KCNAB2: variants seen among roughly 807,000 people sequenced by gnomAD.
KCNAB2 encodes the protein potassium voltage-gated channel subfamily A regulatory beta subunit 2, also known as voltage-gated potassium channel subunit beta-2.
A neutral mutation model predicts 63.6 loss-of-function variants in KCNAB2; 29 were observed. The observed-to-expected ratio is 0.46, with a 90% CI of 0.34 to 0.62. The LOEUF is 0.62. Among genes scored for constraint, KCNAB2 ranks in the 20% least tolerant of loss-of-function variants. The pLI, the probability that KCNAB2 is intolerant of heterozygous loss-of-function variation, is 0.01. For missense variants in KCNAB2, 359 were observed against 563.9 expected, an observed-to-expected ratio of 0.64 and a Z score of 3.68; for synonymous variants, 222 against 224.2, an observed-to-expected ratio of 0.99 and a Z score of 0.09.
chr1:6,032,969 G>T (rs1292394245), upstream of KCNAB2, among the ~76,000 whole-genome samples: 6 of 152,240 alleles, frequency 3.9e-5, no homozygotes, highest in Non-Finnish European at 8.8e-5. Context: ...AATGCCATTT[G>T]TGAGCCTTGA....
intron 12 of KCNAB2, 39 bp from the exon 13 acceptor site, chr1:6,095,491 C>CACG: frequency 6.5e-7 from 1 of 1,549,784 alleles, no homozygotes; most frequent in Non-Finnish European, 8.9e-7. Flanking sequence ...CCCCTGCTCT[C>CACG]GGGCCCAGGG....
Position 6,096,241 on chromosome 1 carries a change from G to A in KCNAB2, c.949-395G>A. ...CCTCCAGGAGGCCCTGCAATCCTCT[G>A]GGGGGGATGGCCAGGGGAGAGAGCA... is the stretch of plus-strand genomic sequence containing the variant. On this transcript the variant is annotated intron_variant, in intron 13 of 15. Transcript: ENST00000378083. This position sits in a 1 kb window ranked among gnomAD's most constrained non-coding sequence, Gnocchi z 5.9. The A allele has an allele frequency of 6.9e-6, 3 of 433,354 alleles. No individual in the cohort carries two copies. The highest frequency in any genetic ancestry group is 4.9e-5 in the South Asian group (3 of 61,184). 26.8% of individuals were successfully genotyped at this position (433,354 alleles called of 1,614,324 possible). A position where few individuals can be genotyped will look rare whatever the true frequency, so the allele number is the denominator to read the frequency against.
At chr1:6,076,843 G>T (rs1035105516) in intron 4 of KCNAB2, among the ~76,000 whole-genome samples, 1 of 152,188 alleles carries the variant, frequency 6.6e-6, no homozygotes, top group African/African-American at 2.4e-5. Flanking sequence ...CAACATAAAG[G>T]CTGCGTAAAC....
At chr1:5,997,083 C>G (rs529536279) in intron 1 of KCNAB2, among the ~76,000 whole-genome samples, 3 of 152,276 alleles carry the variant, frequency 2.0e-5, no homozygotes, top group Non-Finnish European at 2.9e-5. Context: ...ATGGTAGGAG[C>G]CTGGGGCTTC....
At chr1:6,048,722 C>T (rs983185686) in intron 1 of KCNAB2, among the ~76,000 whole-genome samples, 3 of 152,262 alleles carry the variant, frequency 2.0e-5, no homozygotes, top group Admixed American at 2.0e-4. Flanking sequence ...GCCTGCCCAG[C>T]TGGCCTTCTT....
Position 6,090,442 on chromosome 1 carries a change from G to C in KCNAB2, c.568G>C (p.Ala190Pro). 6.2e-7 allele frequency: 1 copy of C among 1,613,896 alleles called. No homozygotes were observed. The highest frequency in any genetic ancestry group is 8.5e-7 in the Non-Finnish European group (1 of 1,179,960). Reference sequence around the variant, plus strand: ...GCTGGAGTACGTGGATGTGGTGTTTGCCAACCGCCCGGACCCCAACACCCC... The same window carrying C: ...GCTGGAGTACGTGGATGTGGTGTTTCCCAACCGCCCGGACCCCAACACCCC... ...LQLEYVDVVF[A>P]NRPDPNTPME... Residue 190 changes from alanine to proline, a missense_variant, in exon 9 of 16, where the codon GCC becomes CCC. Ala to Pro is a conservative substitution (Grantham distance 27). This residue lies in a region of KCNAB2 where 271 missense variants were observed against 476.1 expected (regional missense o/e 0.57). Coordinates refer to ENST00000378083, the MANE Select transcript of KCNAB2 (RefSeq NM_001199862.2).
At chr1:6,016,552 A>G (rs1450511422) in intron 1 of KCNAB2, among the ~76,000 whole-genome samples, 1 of 152,250 alleles carries the variant, frequency 6.6e-6, no homozygotes, top group East Asian at 1.9e-4. Context: ...ACACTTAAAA[A>G]TTGTGCATAA....
chr1:6,099,719 A>G lies in KCNAB2; in HGVS notation c.*1145A>G, dbSNP rs1291702319. 8.4e-6 allele frequency: 12 copies of G among 1,433,152 alleles called. No homozygotes were observed. The highest frequency in any genetic ancestry group is 1.1e-5 in the Non-Finnish European group (12 of 1,088,970). 88.8% of individuals were successfully genotyped at this position (1,433,152 alleles called of 1,614,324 possible). ...CCCATGACTTGGGGGCTGCACCCCC[A>G]CAGCACCCCCACAATGTAGGAAAAG... On this transcript the variant is annotated 3_prime_UTR_variant, in exon 16 of 16. Coordinates refer to ENST00000378083, the MANE Select transcript of KCNAB2 (RefSeq NM_001199862.2).
At chr1:6,091,723 G>T (rs912912617) in intron 10 of KCNAB2, among the ~76,000 whole-genome samples, 1 of 152,072 alleles carries the variant, frequency 6.6e-6, no homozygotes, top group Non-Finnish European at 1.5e-5. Flanking sequence ...GCCCCCCACC[G>T]AGTCTTAGCT....
chr1:6,009,073 C>G (rs1473056829), intron 1 of KCNAB2, among the ~76,000 whole-genome samples: 2 of 152,238 alleles, frequency 1.3e-5, no homozygotes, highest in East Asian at 3.8e-4. Context: ...AGCTGCAGGC[C>G]ACGCTCTGAG....
chr1:6,026,262 G>C (rs1023263693), intron 1 of KCNAB2: 2 of 152,294 alleles, frequency 1.3e-5, no homozygotes, highest in Non-Finnish European at 2.9e-5. Context: ...ACACCCCACG[G>C]GGCCCTGGCG....
chr1:6,054,868 T>C (rs1004382389), intron 2 of KCNAB2, among the ~76,000 whole-genome samples: 1 of 152,186 alleles, frequency 6.6e-6, no homozygotes, highest in African/African-American at 2.4e-5. Context: ...ATTTTCCATT[T>C]TTCGTCTGCC....
Position 6,046,118 on chromosome 1 carries a change from T to C in KCNAB2, c.-92T>C, listed in dbSNP as rs1433217965. ...AAGCCGCTGTGCCAGATCCTTAGAG[T>C]GTCTGGTGATCCCTAATAAACCAGA... On this transcript the variant is annotated 5_prime_UTR_variant, in exon 1 of 16. Coordinates refer to ENST00000378083, the MANE Select transcript of KCNAB2 (RefSeq NM_001199862.2). 1 of 985,174 alleles carries C rather than the reference T, an allele frequency of 1.0e-6. No homozygotes were observed. Among genetic ancestry groups the C allele is most frequent in the Non-Finnish European group, 1.2e-6 (1 of 829,872 alleles). The allele number at this position is 985,174 out of a possible 1,614,324, so 61.0% of individuals were successfully genotyped here. A position where few individuals can be genotyped will look rare whatever the true frequency, so the allele number is the denominator to read the frequency against.
intron 7 of KCNAB2, 113 bp from the exon 8 acceptor site, chr1:6,088,895 C>T: frequency 5.0e-6 from 5 of 995,600 alleles, no homozygotes; most frequent in East Asian, 2.7e-5. Flanking sequence ...CGACTCCACA[C>T]GGCATTTGCT....
At chr1:6,051,432 C>T in intron 1 of KCNAB2, 79 bp from the exon 2 acceptor site, 1 of 1,405,190 alleles carries the variant, frequency 7.1e-7, no homozygotes, top group Non-Finnish European at 9.3e-7. Flanking sequence ...CTGCAGCTGC[C>T]CCCTGCCCCA....
rs7528632 is a variant in KCNAB2, at chr1:6,073,245, C to G, written c.262+447C>G. On this transcript the variant is annotated intron_variant, in intron 3 of 15. Transcript: ENST00000378083. This position sits in a 1 kb window ranked among gnomAD's most constrained non-coding sequence, Gnocchi z 5.7. ...AGAATGTGCAGTCCCCACCTCCCCT[C>G]TGCATGCAGTACACACACCCCCACA... Among the ~76,000 whole-genome samples, 50,721 of 151,760 alleles carry G rather than the reference C, an allele frequency of 0.33. 10,327 individuals carry two copies. The highest frequency in any genetic ancestry group is 0.57 in the African/African-American group (23,694 of 41,278).
chr1:6,098,443 CTTG>C, intron 15 of KCNAB2, 39 bp from the exon 16 acceptor site: 1 of 1,611,360 alleles, frequency 6.2e-7, no homozygotes, highest in Non-Finnish European at 8.5e-7. Flanking sequence ...CCAGGCCCGT[CTTG>C]TTGGTGGGAT....
At chr1:6,000,658 A>AG (rs1196901754) in intron 1 of KCNAB2, among the ~76,000 whole-genome samples, 2 of 150,738 alleles carry the variant, frequency 1.3e-5, no homozygotes, top group African/African-American at 2.4e-5. Context: ...CCAGAAAAGA[A>AG]AAAAAAAAAA....
intron 10 of KCNAB2, among the ~76,000 whole-genome samples, chr1:6,093,553 C>T (rs561704374): frequency 1.3e-5 from 2 of 152,366 alleles, no homozygotes; most frequent in Admixed American, 1.3e-4. Context: ...GAAGTCTCCG[C>T]GATTTCATCC....
Sources: allele counts gnomAD v4.1 joint callset (sites outside exome capture counted in the v4.1 genomes callset), GRCh38; gene constraint gnomAD v4.1.1; regional missense constraint gnomAD v4.1.1; non-coding constraint Gnocchi (gnomAD v3.1); transcripts MANE v1.5; gene names NCBI Gene and HGNC (gene_info 2026-07-23, HGNC 2026-07-21).